The following KIAA0753 variants were observed in gnomAD, a reference collection of about 807,000 sequenced individuals.
The protein encoded by KIAA0753 is KIAA0753.
Under a neutral mutation model 116.9 loss-of-function variants are expected in KIAA0753, and 114 were observed. That is an observed-to-expected ratio of 0.98 (90% CI 0.84 to 1.14). KIAA0753 has a LOEUF of 1.14. Among genes scored for constraint, KIAA0753 ranks in the 50% most tolerant of loss-of-function variants. The pLI, the probability that KIAA0753 is intolerant of heterozygous loss-of-function variation, is 0.00. For missense variants in KIAA0753, 1,156 were observed against 1,172.4 expected (o/e 0.99, Z 0.20); for synonymous variants, 405 against 413.1 (o/e 0.98, Z 0.24).
chr17:6,624,571 C>CAT (rs1555532322), intron 4 of KIAA0753, among the ~76,000 whole-genome samples, 184 bp downstream of exon 4: 2 of 151,624 alleles, frequency 1.3e-5, no homozygotes, highest in African/African-American at 4.9e-5. Flanking sequence ...CACACACACA[C>CAT]GCAGATTACA....
chr17:6,634,606 C>T (rs1300330243), intron 2 of KIAA0753: 1 of 162,974 alleles, frequency 6.1e-6, no homozygotes, highest in African/African-American at 2.4e-5. Flanking sequence ...TAAAATTCAA[C>T]TTTGCTGTAT....
At chr17:6,608,954 C>T (rs1012835191) in intron 9 of KIAA0753, among the ~76,000 whole-genome samples, 2 of 152,054 alleles carry the variant, frequency 1.3e-5, no homozygotes, top group African/African-American at 4.8e-5. Context: ...ATGTAAATCT[C>T]CATATTAATA....
At chr17:6,632,808 C>T (rs1972089709) in intron 2 of KIAA0753, among the ~76,000 whole-genome samples, 1 of 152,136 alleles carries the variant, frequency 6.6e-6, no homozygotes, top group Non-Finnish European at 1.5e-5. Context: ...GAGAAGACAT[C>T]AGGCAAATCT....
At chr17:6,608,546 T>C (rs1301030217) in intron 9 of KIAA0753, 82 bp from the exon 10 acceptor site, 3 of 639,538 alleles carry the variant, frequency 4.7e-6, no homozygotes, top group African/African-American at 1.9e-5. Context: ...AGCTCAGAGA[T>C]GACAACAGCA....
chr17:6,580,931 C>CACACACACA, intron 18 of KIAA0753, among the ~76,000 whole-genome samples: 2 of 126,996 alleles, frequency 1.6e-5, no homozygotes, highest in Admixed American at 7.3e-5. Flanking sequence ...CACACACACA[C>CACACACACA]CTTCATTTTC....
intron 5 of KIAA0753, 54 bp from the exon 6 acceptor site, chr17:6,623,151 T>A: frequency 6.9e-7 from 1 of 1,441,752 alleles, no homozygotes; most frequent in Non-Finnish European, 9.6e-7. Flanking sequence ...CTTGCTAACA[T>A]TCACCCAACT....
At chr17:6,590,350 T>C (rs1156405000) in intron 17 of KIAA0753, among the ~76,000 whole-genome samples, 160 bp downstream of exon 17, 2 of 152,188 alleles carry the variant, frequency 1.3e-5, no homozygotes, top group Non-Finnish European at 2.9e-5. Flanking sequence ...TCAATGCCCA[T>C]CTTGTAAACA....
intron 14 of KIAA0753, 109 bp from the exon 15 acceptor site, chr17:6,596,452 C>G: frequency 1.2e-6 from 1 of 828,534 alleles, no homozygotes; most frequent in Non-Finnish European, 1.9e-6. Context: ...CATAATAAAC[C>G]AACAGCATAC....
At chr17:6,607,916 G>C in intron 10 of KIAA0753, among the ~76,000 whole-genome samples, 1 of 152,164 alleles carries the variant, frequency 6.6e-6, no homozygotes, top group East Asian at 1.9e-4. Context: ...GCAGCCAGAA[G>C]TAACCCTCCC....
At chr17:6,611,363 C>T (rs1449755150) in intron 8 of KIAA0753, among the ~76,000 whole-genome samples, 2 of 151,686 alleles carry the variant, frequency 1.3e-5, no homozygotes, top group Non-Finnish European at 2.9e-5. Context: ...TACAGTGGAT[C>T]GATCACAGCT....
At chr17:6,603,600 G>A (rs192695977) in intron 12 of KIAA0753, among the ~76,000 whole-genome samples, 28 of 152,218 alleles carry the variant, frequency 1.8e-4, no homozygotes, top group African/African-American at 3.4e-4. Context: ...AAGAGGACTC[G>A]GAGAGAAGTA....
At chr17:6,615,614 CAAAAA>C (rs60310389) in intron 7 of KIAA0753, among the ~76,000 whole-genome samples, 104 of 58,742 alleles carry the variant, frequency 1.8e-3, no homozygotes, top group East Asian at 0.014. Flanking sequence ...GACTCCGTCT[CAAAAA>C]AAAAAAAAAA....
Position 6,589,934 on chromosome 17 carries a change from G to A in KIAA0753, c.2631C>T (p.Ala877=), listed in dbSNP as rs768853791. 8.1e-6 allele frequency: 13 copies of A among 1,611,496 alleles called. No homozygotes were observed. Among genetic ancestry groups the A allele is most frequent in the South Asian group, 4.4e-5 (4 of 90,588 alleles). The change falls in exon 18 of 19, where the codon GCC becomes GCT. Residue 877 remains alanine (A), a synonymous_variant. Coordinates refer to ENST00000361413, the MANE Select transcript of KIAA0753 (RefSeq NM_014804.3). ...GGCCTTCTTTCTGTTGAGAATCTTC[G>A]GCTAGGGAGAGAAGAGGGGCCTCTC... is the stretch of plus-strand genomic sequence containing the variant. ...EKREAPLLSL[A]EDSQQKEGRA...
intron 18 of KIAA0753, among the ~76,000 whole-genome samples, chr17:6,587,378 C>T (rs1968656894): frequency 6.6e-6 from 1 of 152,208 alleles, no homozygotes; most frequent in Non-Finnish European, 1.5e-5. Context: ...CTGTCCTCTA[C>T]ATTTTAACCT....
intron 2 of KIAA0753, among the ~76,000 whole-genome samples, chr17:6,633,589 G>A (rs1251810594): frequency 1.3e-5 from 2 of 152,082 alleles, no homozygotes; most frequent in Admixed American, 1.3e-4. Context: ...GTATAAGAAT[G>A]TTCATAGCAG....
intron 7 of KIAA0753, among the ~76,000 whole-genome samples, chr17:6,615,631 A>C (rs953626635): frequency 2.6e-5 from 4 of 151,384 alleles, no homozygotes; most frequent in Admixed American, 6.6e-5. Flanking sequence ...AAAAAAAAAA[A>C]AAAAAAAAAA....
At chr17:6,619,178 G>A (rs1026993731) in intron 7 of KIAA0753, among the ~76,000 whole-genome samples, 11 of 151,810 alleles carry the variant, frequency 7.2e-5, no homozygotes, top group Non-Finnish European at 1.2e-4. Flanking sequence ...GCAGTGAGCC[G>A]AGATCACATC....
At chr17:6,634,259 C>T (rs972919814) in intron 2 of KIAA0753, among the ~76,000 whole-genome samples, 8 of 152,192 alleles carry the variant, frequency 5.3e-5, no homozygotes, top group South Asian at 2.1e-4. Context: ...TGCACCACCA[C>T]GCCCAGCTAA....
intron 18 of KIAA0753, among the ~76,000 whole-genome samples, chr17:6,584,331 A>G (rs74332593): frequency 0.021 from 3,125 of 152,272 alleles, 119 homozygotes; most frequent in African/African-American, 0.071. Context: ...CTTCAAGAAT[A>G]TAGGTTTTAT....
Sources: allele counts gnomAD v4.1 joint callset (sites outside exome capture counted in the v4.1 genomes callset), GRCh38; gene constraint gnomAD v4.1.1; transcripts MANE v1.5; gene names NCBI Gene and HGNC (gene_info 2026-07-23, HGNC 2026-07-21).